Variants in LOC128462377 observed in about 807,000 individuals in gnomAD.
At chr16:89,393,772 C>T in the LOC128462377 span, among the ~76,000 whole-genome samples, 13 of 152,114 alleles carry the variant, frequency 8.5e-5, no homozygotes, top group African/African-American at 3.1e-4. Context: ...ATTCTGGAAT[C>T]TGGCAGAGCT....
chr16:89,343,205 G>A, the LOC128462377 span, among the ~76,000 whole-genome samples: 1 of 152,282 alleles, frequency 6.6e-6, no homozygotes, highest in East Asian at 1.9e-4. Context: ...TGGCCAGGCT[G>A]GTCTCGAACT....
the LOC128462377 span, among the ~76,000 whole-genome samples, chr16:89,375,056 T>C: frequency 6.6e-6 from 1 of 152,100 alleles, no homozygotes; most frequent in Non-Finnish European, 1.5e-5. Context: ...AGACTGTACA[T>C]GGCATCGTTC....
At chr16:89,397,030 T>G in the LOC128462377 span, among the ~76,000 whole-genome samples, 2 of 152,158 alleles carry the variant, frequency 1.3e-5, no homozygotes, top group African/African-American at 4.8e-5. Context: ...AGGATTTTTT[T>G]TTTTTTAAAG....
chr16:89,385,605 C>A, the LOC128462377 span, among the ~76,000 whole-genome samples: 1 of 152,178 alleles, frequency 6.6e-6, no homozygotes, highest in Non-Finnish European at 1.5e-5. Flanking sequence ...TCACCATATT[C>A]CCAACACAAC....
At chr16:89,416,854 G>C in the LOC128462377 span, among the ~76,000 whole-genome samples, 2 of 151,912 alleles carry the variant, frequency 1.3e-5, no homozygotes, top group African/African-American at 4.8e-5. Context: ...TTTTCACAAA[G>C]AGGCACAGCT....
At chr16:89,317,373 C>G in the LOC128462377 span, among the ~76,000 whole-genome samples, 1 of 152,206 alleles carries the variant, frequency 6.6e-6, no homozygotes, top group African/African-American at 2.4e-5. Flanking sequence ...GGGTGGCAGT[C>G]AGCAGCACCT....
chr16:89,373,992 G>A, the LOC128462377 span, among the ~76,000 whole-genome samples: 25 of 152,328 alleles, frequency 1.6e-4, no homozygotes, highest in East Asian at 3.5e-3. Context: ...AGGGTCTGAC[G>A]ACCACAATAC....
At chr16:89,392,160 A>C in the LOC128462377 span, among the ~76,000 whole-genome samples, 1 of 152,246 alleles carries the variant, frequency 6.6e-6, no homozygotes, top group African/African-American at 2.4e-5. Context: ...AACCGGACAC[A>C]GCGTCAGGTT....
At chr16:89,335,514 G>A in the LOC128462377 span, among the ~76,000 whole-genome samples, 9 of 152,224 alleles carry the variant, frequency 5.9e-5, no homozygotes, top group African/African-American at 2.2e-4. Context: ...CTCTCCCTAT[G>A]AACGCTATAC....
chr16:89,331,245 C>T, the LOC128462377 span, among the ~76,000 whole-genome samples: 2 of 152,194 alleles, frequency 1.3e-5, no homozygotes, highest in African/African-American at 4.8e-5. Context: ...TGAGCCACTG[C>T]GCCCGGCCTG....
At chr16:89,333,661 C>T in the LOC128462377 span, among the ~76,000 whole-genome samples, 1 of 152,222 alleles carries the variant, frequency 6.6e-6, no homozygotes, top group African/African-American at 2.4e-5. Flanking sequence ...GGCCTGGCAG[C>T]TCGTCTGTTT....
the LOC128462377 span, among the ~76,000 whole-genome samples, chr16:89,338,713 C>T: frequency 1.1e-5 from 1 of 91,236 alleles, no homozygotes; most frequent in Non-Finnish European, 1.9e-5. Context: ...CAGCAAAGAG[C>T]AACACTCAGT....
At chr16:89,350,564 T>C in the LOC128462377 span, among the ~76,000 whole-genome samples, 132 of 152,278 alleles carry the variant, frequency 8.7e-4, 1 homozygote, top group Non-Finnish European at 1.5e-3. Flanking sequence ...CACTCAATGA[T>C]TCCATTCATA....
chr16:89,351,874 T>A, the LOC128462377 span, among the ~76,000 whole-genome samples: 2 of 152,210 alleles, frequency 1.3e-5, no homozygotes, highest in Non-Finnish European at 2.9e-5. Context: ...GCGCTTTATC[T>A]GGGTAAGCCT....
chr16:89,317,289 AAGG>A, the LOC128462377 span, among the ~76,000 whole-genome samples: 8 of 152,198 alleles, frequency 5.3e-5, no homozygotes, highest in Non-Finnish European at 1.2e-4. Flanking sequence ...TTTGAGCAGG[AAGG>A]AGAACAGAGA....
At chr16:89,415,846 A>AAAAAAAAT in the LOC128462377 span, among the ~76,000 whole-genome samples, 7 of 146,484 alleles carry the variant, frequency 4.8e-5, no homozygotes, top group African/African-American at 1.8e-4. Context: ...AAAAAAAAAA[A>AAAAAAAAT]AAAACAATGG....
the LOC128462377 span, among the ~76,000 whole-genome samples, chr16:89,341,793 CAG>C: frequency 9.2e-5 from 14 of 152,344 alleles, no homozygotes; most frequent in African/African-American, 2.9e-4. Flanking sequence ...CAAGAGATGG[CAG>C]AGTCTGGCAC....
the LOC128462377 span, among the ~76,000 whole-genome samples, chr16:89,325,674 G>A: frequency 6.6e-6 from 1 of 152,242 alleles, no homozygotes; most frequent in Non-Finnish European, 1.5e-5. Context: ...AGGCTGCGGA[G>A]GCGTTTGCTT....
At chr16:89,360,730 G>T in the LOC128462377 span, 5 of 152,246 alleles carry the variant, frequency 3.3e-5, no homozygotes, top group Non-Finnish European at 2.9e-5. Context: ...CCAGGTGTGT[G>T]TGTCTGTCAT....
Sources: gnomAD v4.1 joint callset for allele counts (sites outside exome capture counted in the v4.1 genomes callset) on GRCh38, gnomAD v4.1.1 for gene constraint, MANE v1.5 for transcripts.